Variants in NAA15 observed in about 807,000 individuals in gnomAD.
NAA15 encodes N-terminal acetyltransferase.
A neutral mutation model predicts 114.0 loss-of-function variants in NAA15; 34 were observed. That is an observed-to-expected ratio of 0.30 (90% CI 0.23 to 0.40). The LOEUF is 0.40. NAA15 is among the 10% of genes least tolerant of loss of function. NAA15 has a pLI of 1.00. For missense variants in NAA15, 658 were observed against 1,004.5 expected (o/e 0.66, Z 4.66); for synonymous variants, 340 against 338.0 (o/e 1.01, Z -0.06).
chr4:139,361,587 G>A, intron 13 of NAA15, 137 bp from the exon 14 acceptor site: 1 of 586,470 alleles, frequency 1.7e-6, no homozygotes, highest in Non-Finnish European at 2.9e-6. Context: ...TATTCCTGTT[G>A]AATAATTGTA....
intron 14 of NAA15, among the ~76,000 whole-genome samples, chr4:139,366,621 A>G (rs1318786344): frequency 7.0e-6 from 1 of 143,154 alleles, no homozygotes; most frequent in Non-Finnish European, 1.5e-5. Context: ...TTTTTTTTAA[A>G]TTTTTGAGAC....
At chr4:139,374,940 C>T (rs866570787) in intron 15 of NAA15, among the ~76,000 whole-genome samples, 1 of 152,162 alleles carries the variant, frequency 6.6e-6, no homozygotes, top group Non-Finnish European at 1.5e-5. Context: ...TATTGATTTA[C>T]CTGCCCTATA....
chr4:139,301,596 A>G lies in NAA15; in HGVS notation c.-182A>G. 1.5e-6 allele frequency: 1 copy of G among 659,438 alleles called. No individual in the cohort carries two copies. Among genetic ancestry groups the G allele is most frequent in the East Asian group, 3.0e-5 (1 of 33,588 alleles). The allele number at this position is 659,438 out of a possible 1,614,324, so 40.8% of individuals were successfully genotyped here. On this transcript the variant is annotated 5_prime_UTR_variant, in exon 1 of 20. Transcript: ENST00000296543. ...GGCGGCAGCGTTAAGTGAGAAAGGA[A>G]AAAAGACAACGAGGAAAAAGGAGGT... is the stretch of plus-strand genomic sequence containing the variant.
intron 14 of NAA15, among the ~76,000 whole-genome samples, chr4:139,362,354 A>G (rs1748158557): frequency 6.6e-6 from 1 of 152,130 alleles, no homozygotes; most frequent in Non-Finnish European, 1.5e-5. Context: ...ATCTCGGATC[A>G]CTGCAACCTC....
intron 6 of NAA15, among the ~76,000 whole-genome samples, chr4:139,346,992 ACTTGAACAAGG>A (rs1483424276): frequency 1.1e-4 from 17 of 152,086 alleles, no homozygotes; most frequent in African/African-American, 4.1e-4. Flanking sequence ...CCTAGTCTGG[ACTTGAACAAGG>A]CTCAAATGAT....
intron 1 of NAA15, among the ~76,000 whole-genome samples, chr4:139,325,407 T>C (rs1746763801): frequency 2.0e-5 from 3 of 152,210 alleles, no homozygotes; most frequent in Admixed American, 2.0e-4. Flanking sequence ...TAGTTAGGTA[T>C]GTAATCTGGG....
chr4:139,356,285 T>G (rs1747944788), intron 10 of NAA15, among the ~76,000 whole-genome samples: 1 of 152,234 alleles, frequency 6.6e-6, no homozygotes, highest in South Asian at 2.1e-4. Flanking sequence ...AGACAAGATA[T>G]TCCAGTTTAT....
At position 139,342,863 on chromosome 4, in the gene NAA15, A is replaced by T. The variant is rs1363709729; in HGVS notation, c.440A>T (p.Gln147Leu). ...CAGTTACTTCAGCTTCGACCTGCGC[A>T]GAGAGCATCATGGATTGGTTATGCT... is the stretch of plus-strand genomic sequence containing the variant. Reference protein sequence around the residue: ...RYQLLQLRPAQRASWIGYAIA... With the variant: ...RYQLLQLRPALRASWIGYAIA... The change falls in exon 5 of 20, where the codon CAG becomes CTG. Residue 147 changes from glutamine (Q) to leucine (L), a missense_variant. Around this residue, in one of 6 missense-constraint regions of NAA15, gnomAD observed 75 missense variants for 172.3 expected, o/e 0.44. Transcript: ENST00000296543. 1 of 1,613,802 alleles carries T rather than the reference A, an allele frequency of 6.2e-7. No individual in the cohort carries two copies. The highest frequency in any genetic ancestry group is 8.5e-7 in the Non-Finnish European group (1 of 1,179,854).
At position 139,384,976 on chromosome 4, in the gene NAA15, C is replaced by A; in HGVS notation, c.2300C>A (p.Ser767Ter). 6.6e-7 allele frequency: 1 copy of A among 1,519,676 alleles called. No homozygotes were observed. The highest frequency in any genetic ancestry group is 8.8e-7 in the Non-Finnish European group (1 of 1,135,438). 94.1% of individuals were successfully genotyped at this position (1,519,676 alleles called of 1,614,324 possible). A position where few individuals can be genotyped will look rare whatever the true frequency, so the allele number is the denominator to read the frequency against. ...TCTGATTCATTGCCACACAGATTAT[C>A]AGGTAATCACTTTATTTTATCCTTA... is the stretch of plus-strand genomic sequence containing the variant. ...RNSDSLPHRL[S>*]AAKMVYYLDP... The change falls in exon 18 of 20, where the codon TCA (serine) becomes TAA (stop). Residue 767 changes from serine (S) to a stop codon, truncating the protein, a stop_gained and splice_region_variant. Transcript: ENST00000296543. LOFTEE classifies it high-confidence loss of function.
At chr4:139,383,326 A>C (rs990352760) in intron 17 of NAA15, among the ~76,000 whole-genome samples, 11 of 152,218 alleles carry the variant, frequency 7.2e-5, no homozygotes, top group Non-Finnish European at 2.9e-5. Flanking sequence ...GCCTGGATCC[A>C]TACCCAAGTC....
chr4:139,385,428 AAACTT>A (rs1210975792), intron 18 of NAA15, among the ~76,000 whole-genome samples: 1 of 151,260 alleles, frequency 6.6e-6, no homozygotes, highest in Non-Finnish European at 1.5e-5. Context: ...AGGTGTAACT[AAACTT>A]AAATGTATAT....
At chr4:139,364,541 C>T (rs866446042) in intron 14 of NAA15, among the ~76,000 whole-genome samples, 14 of 152,038 alleles carry the variant, frequency 9.2e-5, no homozygotes, top group Non-Finnish European at 1.5e-4. Flanking sequence ...TTGTATTCCT[C>T]GCTGATTTCA....
intron 6 of NAA15, among the ~76,000 whole-genome samples, chr4:139,348,333 A>G (rs1463807162): frequency 6.6e-6 from 1 of 151,860 alleles, no homozygotes; most frequent in Non-Finnish European, 1.5e-5. Flanking sequence ...ACATGCCTGT[A>G]GTTCCAGCTA....
intron 13 of NAA15, among the ~76,000 whole-genome samples, chr4:139,361,225 A>G (rs974305383): frequency 1.3e-5 from 2 of 152,156 alleles, no homozygotes; most frequent in Non-Finnish European, 2.9e-5. Flanking sequence ...AAATGCATCA[A>G]GTTCCTGATT....
intron 6 of NAA15, among the ~76,000 whole-genome samples, chr4:139,345,487 G>A (rs1173356961): frequency 1.3e-5 from 2 of 152,108 alleles, no homozygotes; most frequent in East Asian, 1.9e-4. Flanking sequence ...AGGAAGAATG[G>A]CAGATAGGTA....
At chr4:139,307,424 G>T (rs550415360) in intron 1 of NAA15, among the ~76,000 whole-genome samples, 1 of 152,092 alleles carries the variant, frequency 6.6e-6, no homozygotes, top group South Asian at 2.1e-4. Context: ...GTGCCACCAC[G>T]CCTGGCTAAT....
rs754584194 is a variant in NAA15, at chr4:139,390,927, T to G, written c.*2843T>G. 2 of 152,122 alleles carry G rather than the reference T, an allele frequency of 1.3e-5. No homozygotes were observed. The highest frequency in any genetic ancestry group is 2.4e-5 in the African/African-American group (1 of 41,432). 9.4% of individuals were successfully genotyped at this position (152,122 alleles called of 1,614,324 possible). A position where few individuals can be genotyped will look rare whatever the true frequency, so the allele number is the denominator to read the frequency against. Reference sequence around the variant, plus strand: ...TGAAAGCTGTGACTTTATGAAGAGATCAAAAAAAGTGTGGTCCAGATTCAG... The same window carrying G: ...TGAAAGCTGTGACTTTATGAAGAGAGCAAAAAAAGTGTGGTCCAGATTCAG... On this transcript the variant is annotated 3_prime_UTR_variant, in exon 20 of 20. Transcript: ENST00000296543.
chr4:139,361,196 G>A (rs1748121685), intron 13 of NAA15, among the ~76,000 whole-genome samples: 1 of 151,982 alleles, frequency 6.6e-6, no homozygotes, highest in South Asian at 2.1e-4. Context: ...GTCAAGTATA[G>A]AATACCAAAG....
Position 139,336,887 on chromosome 4 carries a change from G to A in NAA15, c.179G>A (p.Gly60Glu), listed in dbSNP as rs1270447780. Residue 60 changes from glycine to glutamate, a missense_variant, in exon 3 of 20, where the codon GGG becomes GAG. Gly to Glu is a moderately conservative substitution (Grantham distance 98). Transcript: ENST00000296543. ...AMKGLTLNCLGKKEEAYELVR... is the reference protein window; with the variant it reads ...AMKGLTLNCLEKKEEAYELVR... ...AAAGGATTAACATTGAACTGTTTGG[G>A]GAAAAAGGAAGAAGCTTATGAATTG... The A allele has an allele frequency of 6.2e-7, 1 of 1,600,886 alleles. No individual in the cohort carries two copies. The highest frequency in any genetic ancestry group is 8.5e-7 in the Non-Finnish European group (1 of 1,173,398).
Sources: gnomAD v4.1 joint callset for allele counts (sites outside exome capture counted in the v4.1 genomes callset) on GRCh38, gnomAD v4.1.1 for gene constraint, gnomAD v4.1.1 regional missense constraint, MANE v1.5 for transcripts, NCBI Gene and HGNC (gene_info 2026-07-23, HGNC 2026-07-21) for gene names.